Variants in SH3PXD2A observed in about 807,000 individuals in gnomAD.
The protein encoded by SH3PXD2A is SH3 and PX domains 2A, also known as SH3 and PX domain-containing protein 2A.
In SH3PXD2A, 32 loss-of-function variants were observed where a neutral mutation model predicts 115.2. The observed-to-expected ratio is 0.28, with a 90% confidence interval of 0.21 to 0.37. The LOEUF (loss-of-function observed/expected upper bound fraction) is 0.37. SH3PXD2A is among the 10% of genes least tolerant of loss of function. The probability of loss-of-function intolerance (pLI) is 1.00; values close to 1 mark genes in which losing one functional copy is unlikely to be tolerated. For synonymous variants in SH3PXD2A, 610 were observed against 629.1 expected, an observed-to-expected ratio of 0.97 and a Z score of 0.45; for missense variants, 1,328 against 1,498.7, an observed-to-expected ratio of 0.89 and a Z score of 1.88.
At chr10:103,659,845 A>G (rs904158552) in intron 8 of SH3PXD2A, among the ~76,000 whole-genome samples, 7 of 152,088 alleles carry the variant, frequency 4.6e-5, no homozygotes, top group African/African-American at 1.7e-4. Flanking sequence ...CACCTCCCCC[A>G]GGAGGCCCAC....
chr10:103,844,877 T>C (rs1842826281), intron 1 of SH3PXD2A, among the ~76,000 whole-genome samples: 1 of 152,170 alleles, frequency 6.6e-6, no homozygotes, highest in Non-Finnish European at 1.5e-5. Flanking sequence ...GTCAGAGGCA[T>C]GTGAACCAGA....
In SH3PXD2A at chr10:103,603,077, G is replaced by A. The variant is rs750632370; in HGVS notation, c.2141C>T (p.Thr714Ile). 3 of 1,613,538 alleles carry A rather than the reference G, an allele frequency of 1.9e-6. No homozygotes were observed. In the East Asian group the frequency reaches 6.7e-5, roughly 36 times the overall value. ...AGAGCGGGGCTTCAGGTCGCCACTGGTTTTGGACAAGGAAGAGGAGGAGGA... is the reference window on the plus strand; with the variant it reads ...AGAGCGGGGCTTCAGGTCGCCACTGATTTTGGACAAGGAAGAGGAGGAGGA... ...SSSSSSSLSKTSGDLKPRSAS... is the reference protein window; with the variant it reads ...SSSSSSSLSKISGDLKPRSAS... Residue 714 changes from threonine to isoleucine, a missense_variant, in exon 15 of 15, where the codon ACC (threonine) becomes ATC (isoleucine). Thr to Ile is a moderately conservative substitution (Grantham distance 89). Around this residue, in one of 5 missense-constraint regions of SH3PXD2A, gnomAD observed 574 missense variants for 565.7 expected, o/e 1.01. Transcript: ENST00000369774.
rs905042060 is a variant in SH3PXD2A at position 103,756,411 on chromosome 10, G to A, written c.229+10683C>T. Among the ~76,000 whole-genome samples, 6 of 152,028 alleles carry A rather than the reference G, an allele frequency of 3.9e-5. No individual in the cohort carries two copies. The highest frequency in any genetic ancestry group is 7.4e-5 in the Non-Finnish European group (5 of 67,984). On this transcript the variant is annotated intron_variant, in intron 3 of 14. Coordinates refer to ENST00000369774, the MANE Select transcript of SH3PXD2A (RefSeq NM_001394015.1). This position sits in a 1 kb window ranked among gnomAD's most constrained non-coding sequence, Gnocchi z 4.4. The stretch of plus-strand genomic sequence containing the variant: ...ACCTCCTAAGAAGTTGTTGGGGGCC[G>A]GAGCTCCTTCTCAATGCGCCTCAGT...
At chr10:103,642,805 T>C (rs2036974351) in intron 8 of SH3PXD2A, among the ~76,000 whole-genome samples, 1 of 152,178 alleles carries the variant, frequency 6.6e-6, no homozygotes, top group Non-Finnish European at 1.5e-5. Flanking sequence ...GTGCCTAAGA[T>C]GCGTACATGT....
intron 8 of SH3PXD2A, among the ~76,000 whole-genome samples, chr10:103,639,273 T>A (rs1257097921): frequency 6.6e-6 from 1 of 152,154 alleles, no homozygotes; most frequent in African/African-American, 2.4e-5. Flanking sequence ...ACAGGCTGCA[T>A]GGGCTCACTC....
intron 1 of SH3PXD2A, among the ~76,000 whole-genome samples, chr10:103,816,237 G>A (rs1045173063): frequency 3.3e-5 from 5 of 152,162 alleles, no homozygotes; most frequent in Non-Finnish European, 7.3e-5. Flanking sequence ...ATTATGTATT[G>A]TGTATTAAAA....
chr10:103,677,004 T>A (rs2037542702), intron 6 of SH3PXD2A, among the ~76,000 whole-genome samples: 1 of 152,104 alleles, frequency 6.6e-6, no homozygotes, highest in Non-Finnish European at 1.5e-5. Flanking sequence ...GGCAGTGGGA[T>A]GAAGTCAGCA....
At chr10:103,830,952 A>G (rs2039477360) in intron 1 of SH3PXD2A, among the ~76,000 whole-genome samples, 1 of 152,226 alleles carries the variant, frequency 6.6e-6, no homozygotes, top group South Asian at 2.1e-4. Flanking sequence ...GAAAAATAGG[A>G]TGAATTTCCC....
chr10:103,732,866 G>A (rs1215184917), intron 4 of SH3PXD2A, among the ~76,000 whole-genome samples: 1 of 152,222 alleles, frequency 6.6e-6, no homozygotes, highest in Non-Finnish European at 1.5e-5. Context: ...ACTGCACACG[G>A]CACTGTGCTG....
intron 6 of SH3PXD2A, among the ~76,000 whole-genome samples, chr10:103,682,486 G>A (rs181328395): frequency 1.4e-4 from 21 of 152,332 alleles, no homozygotes; most frequent in Admixed American, 5.2e-4. Flanking sequence ...GGCTGGCTGC[G>A]GTGGCTCATG....
intron 1 of SH3PXD2A, among the ~76,000 whole-genome samples, chr10:103,823,756 A>C (rs556581418): frequency 1.1e-4 from 16 of 152,184 alleles, no homozygotes; most frequent in African/African-American, 3.9e-4. Flanking sequence ...ACTACAACTC[A>C]CAGACTTTGG....
chr10:103,730,992 C>A (rs2038312061), intron 4 of SH3PXD2A, among the ~76,000 whole-genome samples: 1 of 152,174 alleles, frequency 6.6e-6, no homozygotes, highest in African/African-American at 2.4e-5. Flanking sequence ...GGGCGGAGGC[C>A]TGGCTAGCTG....
At chr10:103,852,704 G>A (rs980661085) in intron 1 of SH3PXD2A, among the ~76,000 whole-genome samples, 11 of 152,104 alleles carry the variant, frequency 7.2e-5, no homozygotes, top group South Asian at 4.1e-4. Flanking sequence ...CCCCAAACCC[G>A]CTCCTCCTGC....
chr10:103,800,242 G>A (rs1222172646), intron 2 of SH3PXD2A, among the ~76,000 whole-genome samples: 2 of 152,178 alleles, frequency 1.3e-5, no homozygotes, highest in African/African-American at 4.8e-5. Context: ...ATCCGCAGAG[G>A]TGGGCTCCCT....
Position 103,675,983 on chromosome 10 carries a change from G to A in SH3PXD2A, c.428-7331C>T, listed in dbSNP as rs189444118. Among the ~76,000 whole-genome samples the A allele has an allele frequency of 1.6e-3, 236 of 152,080 alleles. 1 individual carries two copies. Among genetic ancestry groups the A allele is most frequent in the African/African-American group, 5.4e-3 (223 of 41,454 alleles). On this transcript the variant is annotated intron_variant, in intron 6 of 14. Transcript: ENST00000369774. ...GAATCCGGGAGGCGGAGGTTGCAGT[G>A]AGCCGAGATCGCGCCATTGCACTCC... is the stretch of plus-strand genomic sequence containing the variant.
At chr10:103,789,463 T>G (rs1230274113) in intron 2 of SH3PXD2A, among the ~76,000 whole-genome samples, 2 of 152,068 alleles carry the variant, frequency 1.3e-5, no homozygotes, top group Non-Finnish European at 2.9e-5. Flanking sequence ...CAGGAGGCAC[T>G]TGAAATTCCC....
intron 1 of SH3PXD2A, among the ~76,000 whole-genome samples, chr10:103,815,757 C>T (rs1160649458): frequency 6.6e-6 from 1 of 151,774 alleles, no homozygotes. Context: ...GGTGTGGTGG[C>T]ACACGCCTGT....
chr10:103,794,475 T>C (rs1209331528), intron 2 of SH3PXD2A, among the ~76,000 whole-genome samples: 1 of 152,222 alleles, frequency 6.6e-6, no homozygotes, highest in East Asian at 1.9e-4. Flanking sequence ...CAACCGTCCA[T>C]GGAGCCAGGG....
chr10:103,827,133 G>C (rs948144069), intron 1 of SH3PXD2A, among the ~76,000 whole-genome samples: 2 of 152,180 alleles, frequency 1.3e-5, no homozygotes, highest in African/African-American at 4.8e-5. Context: ...GGGTGGATGA[G>C]GGGTGGGAGG....
Sources: allele counts gnomAD v4.1 joint callset (sites outside exome capture counted in the v4.1 genomes callset), GRCh38; gene constraint gnomAD v4.1.1; regional missense constraint gnomAD v4.1.1; non-coding constraint Gnocchi (gnomAD v3.1); transcripts MANE v1.5; gene names NCBI Gene and HGNC (gene_info 2026-07-23, HGNC 2026-07-21).